The following CCN4 variants were observed in gnomAD, a reference collection of about 807,000 sequenced individuals.
CCN4 encodes CCN family member 4.
CCN4 carries 30 observed loss-of-function variants against 36.7 expected under a neutral mutation model. That is an observed-to-expected ratio of 0.82 (90% CI 0.61 to 1.11). The LOEUF (loss-of-function observed/expected upper bound fraction) is 1.11. Ranked by LOEUF, CCN4 falls within the 50% of genes least tolerant of loss-of-function variation. CCN4 has a pLI of 0.00. For synonymous variants in CCN4, 191 were observed against 195.4 expected (o/e 0.98, Z 0.19); for missense variants, 505 against 504.9 (o/e 1.00, Z 0.00).
chr8:133,223,065 C>T lies in CCN4; in HGVS notation c.610+2224C>T, dbSNP rs559488538. On this transcript the variant is annotated intron_variant, in intron 3 of 4. Transcript: ENST00000250160. The stretch of plus-strand genomic sequence containing the variant: ...AATCATCTCCAGACCTTTCCAAATA[C>T]ACCCTAGGAGACAAAATTGCTCGGT... Among the ~76,000 whole-genome samples the T allele has an allele frequency of 2.2e-4, 33 of 152,198 alleles. 1 individual carries two copies. In the South Asian group the frequency reaches 3.1e-3, roughly 14 times the overall value.
At chr8:133,198,347 G>T (rs539507301) in intron 1 of CCN4, among the ~76,000 whole-genome samples, 23 of 152,240 alleles carry the variant, frequency 1.5e-4, no homozygotes, top group African/African-American at 5.1e-4. Flanking sequence ...TCCTCAAAGT[G>T]TAGCTGTGTT....
chr8:133,202,444 T>A (rs1853620553), intron 1 of CCN4, among the ~76,000 whole-genome samples: 1 of 152,178 alleles, frequency 6.6e-6, no homozygotes, highest in South Asian at 2.1e-4. Context: ...ATGCTTTATA[T>A]ACAGATTGAC....
Position 133,219,349 on chromosome 8 carries a change from C to A in CCN4, c.350-1232C>A, listed in dbSNP as rs532101350. Among the ~76,000 whole-genome samples the A allele has an allele frequency of 1.2e-4, 18 of 152,244 alleles. No homozygotes were observed. In the Middle Eastern group the frequency reaches 0.02, roughly 173 times the overall value. ...CCTGTGGTCTTTTTACTTAAGTGGG[C>A]CCCTCCCTACCTGGAAAGCTCCTCC... On this transcript the variant is annotated intron_variant, in intron 2 of 4. Transcript: ENST00000250160.
At position 133,216,205 on chromosome 8, in the gene CCN4, C is replaced by T. The variant is rs115988912; in HGVS notation, c.349+3062C>T. ...TGGGCCAGAGGGTAAACAGAACAAA[C>T]GGTTCCTCTAAGAAACAATCTTTCC... On this transcript the variant is annotated intron_variant, in intron 2 of 4. Transcript: ENST00000250160. 5.6e-4 allele frequency among the ~76,000 whole-genome samples: 86 copies of T among 152,264 alleles called. 1 individual carries two copies. Among genetic ancestry groups the T allele is most frequent in the African/African-American group, 1.9e-3 (80 of 41,554 alleles).
chr8:133,203,233 G>A (rs1381638555), intron 1 of CCN4, among the ~76,000 whole-genome samples: 3 of 152,202 alleles, frequency 2.0e-5, no homozygotes, highest in Non-Finnish European at 4.4e-5. Context: ...ATCCCCACAA[G>A]GGCTCCTCAC....
At chr8:133,208,586 C>A (rs1853867989) in intron 1 of CCN4, among the ~76,000 whole-genome samples, 1 of 152,200 alleles carries the variant, frequency 6.6e-6, no homozygotes, top group Non-Finnish European at 1.5e-5. Flanking sequence ...CTGCCTCCAC[C>A]CTGCACCCTA....
intron 1 of CCN4, among the ~76,000 whole-genome samples, chr8:133,196,482 G>A (rs1023801739): frequency 1.2e-4 from 18 of 152,080 alleles, no homozygotes; most frequent in Middle Eastern, 3.4e-3. Context: ...TTTTAATACC[G>A]CTACTAGAAA....
chr8:133,208,034 A>C (rs1298367323), intron 1 of CCN4, among the ~76,000 whole-genome samples: 1 of 147,416 alleles, frequency 6.8e-6, no homozygotes, highest in African/African-American at 2.5e-5. Context: ...CCTCATGTAC[A>C]GTAGTGGGAA....
chr8:133,212,282 A>G (rs984442837), intron 1 of CCN4, among the ~76,000 whole-genome samples: 1 of 152,206 alleles, frequency 6.6e-6, no homozygotes, highest in South Asian at 2.1e-4. Context: ...CAGGAGCTAT[A>G]AAGTTGAATA....
At chr8:133,219,251 G>C (rs956694737) in intron 2 of CCN4, among the ~76,000 whole-genome samples, 2 of 151,956 alleles carry the variant, frequency 1.3e-5, no homozygotes, top group Admixed American at 1.3e-4. Flanking sequence ...AAGCCTTCTC[G>C]GACCTCCTCT....
intron 1 of CCN4, 70 bp downstream of exon 1, chr8:133,191,283 G>A: frequency 2.6e-6 from 4 of 1,512,600 alleles, no homozygotes; most frequent in Non-Finnish European, 2.7e-6. Context: ...CTACATGGGG[G>A]CTGGTGGGCA....
At chr8:133,222,086 A>G (rs1588204258) in intron 3 of CCN4, among the ~76,000 whole-genome samples, 1 of 151,918 alleles carries the variant, frequency 6.6e-6, no homozygotes, top group South Asian at 2.1e-4. Context: ...TAGATGACGG[A>G]CAAATAGGTG....
chr8:133,199,442 C>A (rs1209326525), intron 1 of CCN4, among the ~76,000 whole-genome samples: 1 of 152,078 alleles, frequency 6.6e-6, no homozygotes, highest in African/African-American at 2.4e-5. Flanking sequence ...GATGTAAATG[C>A]CCGTGTCACA....
rs1177772583 is a variant in CCN4, at chr8:133,230,707, GAATT to G, written c.*2999_*3002del. 1 of 152,202 alleles carries G rather than the reference GAATT, an allele frequency of 6.6e-6. No individual in the cohort carries two copies. The highest frequency in any genetic ancestry group is 2.4e-5 in the African/African-American group (1 of 41,440). The allele number at this position is 152,202 out of a possible 1,614,324, so 9.4% of individuals were successfully genotyped here. ...GGAAATTTACATTCATACTTAGAGT[GAATT>G]ACTCAGGTGTGCTTAGGTGTGCAAA... On this transcript the variant is annotated 3_prime_UTR_variant, in exon 5 of 5. Transcript: ENST00000250160.
rs562265145 is a variant in CCN4 at position 133,210,756 on chromosome 8, G to A, written c.70-2108G>A. On this transcript the variant is annotated intron_variant, in intron 1 of 4. Coordinates refer to ENST00000250160, the MANE Select transcript of CCN4 (RefSeq NM_003882.4). ...CTGCCCTCACCCCATGGAGTTCACC[G>A]GCATTAACCTCCAAACACACACAAA... Among the ~76,000 whole-genome samples the A allele has an allele frequency of 6.6e-5, 10 of 152,300 alleles. No homozygotes were observed. The East Asian group carries it at 1.9e-3, about 29-fold the overall frequency.
chr8:133,196,356 G>A (rs193289233), intron 1 of CCN4, among the ~76,000 whole-genome samples: 8 of 152,274 alleles, frequency 5.3e-5, no homozygotes, highest in African/African-American at 1.2e-4. Context: ...ATGTGAGAGC[G>A]CAATATTCCC....
chr8:133,215,920 A>AT (rs1052156418), intron 2 of CCN4, among the ~76,000 whole-genome samples: 1 of 152,028 alleles, frequency 6.6e-6, no homozygotes, highest in Admixed American at 6.6e-5. Context: ...TTCATAATAA[A>AT]TTTTTTAGAT....
rs1225365718 is a variant in CCN4, at chr8:133,230,498, CT to C, written c.*2790del. Reference sequence around the variant, plus strand: ...CAAAAAGTTAGAGCTCAAACAGCAGCTTATTCTACCAGCCCCTGCTCTTGCG... The same window carrying C: ...CAAAAAGTTAGAGCTCAAACAGCAGCTATTCTACCAGCCCCTGCTCTTGCG... On this transcript the variant is annotated 3_prime_UTR_variant, in exon 5 of 5. Coordinates refer to ENST00000250160, the MANE Select transcript of CCN4 (RefSeq NM_003882.4). The C allele has an allele frequency of 1.3e-5, 2 of 152,204 alleles. No homozygotes were observed. The highest frequency in any genetic ancestry group is 2.9e-5 in the Non-Finnish European group (2 of 68,030). 9.4% of individuals were successfully genotyped at this position (152,204 alleles called of 1,614,324 possible). A position where few individuals can be genotyped will look rare whatever the true frequency, so the allele number is the denominator to read the frequency against.
chr8:133,211,559 TTGTC>T (rs1235833353), intron 1 of CCN4, among the ~76,000 whole-genome samples: 3 of 152,158 alleles, frequency 2.0e-5, no homozygotes. Context: ...AGGAAAGAAT[TTGTC>T]TGAGTAGCTC....
Sources: allele counts gnomAD v4.1 joint callset (sites outside exome capture counted in the v4.1 genomes callset), GRCh38; gene constraint gnomAD v4.1.1; transcripts MANE v1.5; gene names NCBI Gene and HGNC (gene_info 2026-07-23, HGNC 2026-07-21).